Variants in MED12L observed in about 807,000 individuals in gnomAD.
MED12L encodes the protein mediator complex subunit 12L.
Under a neutral mutation model 281.3 loss-of-function variants are expected in MED12L, and 60 were observed. That is an observed-to-expected ratio of 0.21 (90% CI 0.17 to 0.26). MED12L has a LOEUF of 0.26. Ranked by LOEUF, MED12L falls within the 10% of genes least tolerant of loss-of-function variation. The pLI, the probability that MED12L is intolerant of heterozygous loss-of-function variation, is 1.00. For missense variants in MED12L, 2,146 were observed against 2,680.9 expected, an observed-to-expected ratio of 0.80 and a Z score of 4.41; for synonymous variants, 974 against 987.2, an observed-to-expected ratio of 0.99 and a Z score of 0.25.
At chr3:151,325,965 T>C (rs985699562) in intron 16 of MED12L, among the ~76,000 whole-genome samples, 1 of 152,226 alleles carries the variant, frequency 6.6e-6, no homozygotes, top group African/African-American at 2.4e-5. Context: ...TTAATTCTTT[T>C]ATCAGAGAGA....
chr3:151,114,798 G>A (rs1307961643), intron 2 of MED12L, among the ~76,000 whole-genome samples: 1 of 149,786 alleles, frequency 6.7e-6, no homozygotes, highest in Non-Finnish European at 1.5e-5. Context: ...TATTTTTGAT[G>A]TGTTGTGACC....
intron 19 of MED12L, among the ~76,000 whole-genome samples, chr3:151,356,409 T>C (rs1318164400): frequency 1.3e-5 from 2 of 151,920 alleles, no homozygotes; most frequent in Non-Finnish European, 2.9e-5. Context: ...AATAAATAAA[T>C]AAAATTTAAA....
intron 16 of MED12L, among the ~76,000 whole-genome samples, chr3:151,308,598 T>G (rs1419926268): frequency 6.6e-6 from 1 of 152,194 alleles, no homozygotes; most frequent in Non-Finnish European, 1.5e-5. Context: ...TACTAGGCTA[T>G]TAAAAGATGC....
chr3:151,412,739 C>G (rs143292401), intron 41 of MED12L, among the ~76,000 whole-genome samples: 1 of 152,272 alleles, frequency 6.6e-6, no homozygotes, highest in African/African-American at 2.4e-5. Context: ...TAAGTTACCT[C>G]TAGCTCTGTT....
At chr3:151,287,424 G>T (rs1400199962) in intron 16 of MED12L, among the ~76,000 whole-genome samples, 1 of 152,110 alleles carries the variant, frequency 6.6e-6, no homozygotes, top group Non-Finnish European at 1.5e-5. Flanking sequence ...GGCAGGATTT[G>T]GTAAAAGGTT....
intron 16 of MED12L, chr3:151,199,052 C>T (rs754374608): frequency 3.7e-6 from 6 of 1,613,876 alleles, no homozygotes; most frequent in African/African-American, 2.7e-5. Flanking sequence ...CTGAAGACAG[C>T]GGTCAATGCT....
Position 151,156,240 on chromosome 3 carries a change from G to C in MED12L, c.636G>C (p.Thr212=), listed in dbSNP as rs141980278. The C allele has an allele frequency of 1.1e-5, 17 of 1,613,378 alleles. No homozygotes were observed. Among genetic ancestry groups the C allele is most frequent in the African/African-American group, 6.7e-5 (5 of 74,918 alleles). The change falls in exon 6 of 45, where the codon ACG becomes ACC. Residue 212 remains threonine (T), a synonymous_variant. Transcript: ENST00000687756. ...ISDFYHMASS[T]GDGPVPVPPE... is the part of the protein sequence containing the mutation. ...ACTTTTACCACATGGCCTCCAGCAC[G>C]GGCGATGGCCCTGTCCCTGTGCCAC...
intron 16 of MED12L, among the ~76,000 whole-genome samples, chr3:151,218,903 G>A (rs1439435467): frequency 3.3e-5 from 5 of 149,876 alleles, no homozygotes; most frequent in Non-Finnish European, 7.4e-5. Flanking sequence ...AAAAAGAGGG[G>A]GGGTATACTG....
intron 16 of MED12L, chr3:151,329,371 T>A (rs1750086730): frequency 1.6e-6 from 1 of 640,348 alleles, no homozygotes; most frequent in Non-Finnish European, 2.7e-6. Flanking sequence ...TAATTTCTTA[T>A]GCTCATAAAC....
At chr3:151,347,581 C>T (rs1013363898) in intron 16 of MED12L, among the ~76,000 whole-genome samples, 1 of 152,034 alleles carries the variant, frequency 6.6e-6, no homozygotes, top group Non-Finnish European at 1.5e-5. Context: ...CAAGTGAAAT[C>T]GTGGCTATGA....
At chr3:151,302,512 C>A (rs1329282213) in intron 16 of MED12L, among the ~76,000 whole-genome samples, 1 of 152,150 alleles carries the variant, frequency 6.6e-6, no homozygotes, top group Non-Finnish European at 1.5e-5. Flanking sequence ...ATTGAATATA[C>A]ATTTATAAAT....
chr3:151,242,769 T>C (rs2149391425), intron 16 of MED12L, among the ~76,000 whole-genome samples: 1 of 152,272 alleles, frequency 6.6e-6, no homozygotes, highest in Admixed American at 6.5e-5. Context: ...GGATGGAGAA[T>C]GACTTTGACG....
chr3:151,090,238 G>C (rs1719852626), intron 2 of MED12L, among the ~76,000 whole-genome samples: 1 of 152,100 alleles, frequency 6.6e-6, no homozygotes, highest in Non-Finnish European at 1.5e-5. Flanking sequence ...TAGAGTGAGA[G>C]TGATAATACT....
At chr3:151,390,924 G>A (rs1714139456) in intron 38 of MED12L, among the ~76,000 whole-genome samples, 1 of 152,168 alleles carries the variant, frequency 6.6e-6, no homozygotes. Flanking sequence ...TGGTAGTTAA[G>A]CGTTTTAGAT....
intron 40 of MED12L, 127 bp from the exon 41 acceptor site, chr3:151,411,151 A>G (rs1405221673): frequency 2.7e-6 from 2 of 741,462 alleles, no homozygotes; most frequent in Non-Finnish European, 4.5e-6. Context: ...TTGAGTTATG[A>G]GAACCTTTGA....
chr3:151,381,306 G>A (rs1231738061), intron 32 of MED12L, among the ~76,000 whole-genome samples: 3 of 152,278 alleles, frequency 2.0e-5, no homozygotes, highest in East Asian at 3.9e-4. Context: ...TTGGGTAGGA[G>A]AGATCTAGAT....
In MED12L at chr3:151,432,652, G is replaced by C. The variant is rs3732772; in HGVS notation, c.6491-100G>C. On this transcript the variant is annotated intron_variant, in intron 44 of 44. Transcript: ENST00000687756. ...TACTCTCCGGCCATTCTGTTTCCCT[G>C]TACCTGCAGCTGGTACTGAGAGCAG... The C allele has an allele frequency of 7.7e-4, 656 of 857,092 alleles. 7 individuals are homozygous for C. The East Asian group carries it at 0.016, about 21-fold the overall frequency. 53.1% of individuals were successfully genotyped at this position (857,092 alleles called of 1,614,324 possible).
chr3:151,095,442 A>G (rs1175834812), intron 2 of MED12L, among the ~76,000 whole-genome samples: 1 of 152,114 alleles, frequency 6.6e-6, no homozygotes, highest in East Asian at 1.9e-4. Context: ...GTTTCAAGCT[A>G]TTCTCCTGCC....
At chr3:151,338,299 C>A (rs764657007) in intron 16 of MED12L, 3 of 1,614,008 alleles carry the variant, frequency 1.9e-6, no homozygotes, top group Non-Finnish European at 2.5e-6. Context: ...CAGACTAGAC[C>A]GAACTCTGAT....
Sources: allele counts gnomAD v4.1 joint callset (sites outside exome capture counted in the v4.1 genomes callset), GRCh38; gene constraint gnomAD v4.1.1; transcripts MANE v1.5; gene names NCBI Gene and HGNC (gene_info 2026-07-23, HGNC 2026-07-21).